Variants in MLLT1 observed in about 807,000 individuals in gnomAD.
MLLT1 encodes the protein MLLT1 super elongation complex subunit.
Under a neutral mutation model 55.1 loss-of-function variants are expected in MLLT1, and 11 were observed. The observed-to-expected ratio is 0.20, with a 90% CI of 0.13 to 0.33. The LOEUF (loss-of-function observed/expected upper bound fraction) is 0.33, where lower values mean the gene tolerates loss of function less well. Ranked by LOEUF, MLLT1 falls within the 10% of genes least tolerant of loss-of-function variation. The probability of loss-of-function intolerance (pLI) is 1.00; values close to 1 mark genes in which losing one functional copy is unlikely to be tolerated. For missense variants in MLLT1, 536 were observed against 760.6 expected (o/e 0.70, Z 3.47); for synonymous variants, 323 against 320.1 (o/e 1.01, Z -0.10).
At chr19:6,214,284 C>G (rs11673633) in intron 8 of MLLT1, among the ~76,000 whole-genome samples, 63,075 of 152,034 alleles carry the variant, frequency 0.41, 16,895 homozygotes, top group African/African-American at 0.77. Context: ...GCCAAGAGTG[C>G]TCCGGGATAC....
chr19:6,216,781 G>A (rs2090849115), intron 7 of MLLT1: 1 of 472,432 alleles, frequency 2.1e-6, no homozygotes, highest in Non-Finnish European at 3.8e-6. Context: ...CCGGCAGTGG[G>A]CGCGCAGGGC....
chr19:6,252,396 A>T (rs1277032944), intron 3 of MLLT1, among the ~76,000 whole-genome samples: 2 of 152,164 alleles, frequency 1.3e-5, no homozygotes, highest in Admixed American at 6.5e-5. Context: ...CTATTCCCCC[A>T]ATAAGTTCCC....
chr19:6,223,804 C>T (rs145122016), intron 5 of MLLT1, among the ~76,000 whole-genome samples: 2,168 of 152,300 alleles, frequency 0.014, 52 homozygotes, highest in African/African-American at 0.049. Flanking sequence ...TATCACCCCA[C>T]GCACCCAGGA....
chr19:6,245,996 T>C (rs960085880), intron 3 of MLLT1, among the ~76,000 whole-genome samples: 4 of 151,962 alleles, frequency 2.6e-5, no homozygotes, highest in Admixed American at 1.3e-4. Context: ...GAGAATCGCT[T>C]GAACTCAGGA....
chr19:6,267,910 G>A (rs1172767254), intron 2 of MLLT1, among the ~76,000 whole-genome samples: 1 of 152,194 alleles, frequency 6.6e-6, no homozygotes, highest in East Asian at 1.9e-4. Context: ...CTGACCAGGT[G>A]CAAGGGTCCA....
chr19:6,211,728 A>G lies in MLLT1; in HGVS notation c.*1314T>C, dbSNP rs551440516. 1.6e-4 allele frequency: 171 copies of G among 1,064,554 alleles called. No individual in the cohort carries two copies. The highest frequency in any genetic ancestry group is 1.8e-4 in the Non-Finnish European group (158 of 878,760). 65.9% of individuals were successfully genotyped at this position (1,064,554 alleles called of 1,614,324 possible). ...TCTGGGAAACAGAGGCTAACCAGGC[A>G]GGCCTCCAGCCCCTGGGACCCCCAG... On this transcript the variant is annotated 3_prime_UTR_variant, in exon 12 of 12. Coordinates refer to ENST00000252674, the MANE Select transcript of MLLT1 (RefSeq NM_005934.4). This position sits in a 1 kb window ranked among gnomAD's most constrained non-coding sequence, Gnocchi z 4.6.
chr19:6,244,676 C>G (rs4807069), intron 3 of MLLT1, among the ~76,000 whole-genome samples: 40,854 of 151,946 alleles, frequency 0.27, 5,915 homozygotes, highest in African/African-American at 0.34. Context: ...AACTCATATA[C>G]CAAGTACAGG....
At chr19:6,279,638 C>T (rs1401396066) in intron 1 of MLLT1, 135 bp downstream of exon 1, 1 of 151,730 alleles carries the variant, frequency 6.6e-6, no homozygotes, top group Non-Finnish European at 1.5e-5. Context: ...ACATAAAGGC[C>T]CGAGGAGCGG....
intron 1 of MLLT1, among the ~76,000 whole-genome samples, chr19:6,275,205 C>A (rs925169514): frequency 6.6e-6 from 1 of 152,250 alleles, no homozygotes; most frequent in Non-Finnish European, 1.5e-5. Context: ...CCTCTGGGAA[C>A]TTGGACTTCG....
At chr19:6,258,096 CA>C (rs751045763) in intron 3 of MLLT1, among the ~76,000 whole-genome samples, 8 of 152,214 alleles carry the variant, frequency 5.3e-5, no homozygotes, top group Non-Finnish European at 1.2e-4. Flanking sequence ...GAAAGCTAAA[CA>C]GAAAATTATT....
At chr19:6,278,172 G>A (rs1249155112) in intron 1 of MLLT1, among the ~76,000 whole-genome samples, 3 of 152,194 alleles carry the variant, frequency 2.0e-5, no homozygotes, top group Non-Finnish European at 4.4e-5. Context: ...GGAGATTTTG[G>A]CTGCCACCCC....
chr19:6,278,183 C>A (rs1385074429), intron 1 of MLLT1, among the ~76,000 whole-genome samples: 1 of 152,232 alleles, frequency 6.6e-6, no homozygotes, highest in Non-Finnish European at 1.5e-5. Flanking sequence ...CTGCCACCCC[C>A]ACAGCCCCAC....
intron 3 of MLLT1, among the ~76,000 whole-genome samples, chr19:6,252,543 C>G (rs1398342817): frequency 6.6e-6 from 1 of 152,152 alleles, no homozygotes; most frequent in Non-Finnish European, 1.5e-5. Context: ...ATAATGAAAA[C>G]AAAACACAAT....
At chr19:6,251,359 C>A (rs2060567604) in intron 3 of MLLT1, among the ~76,000 whole-genome samples, 1 of 152,090 alleles carries the variant, frequency 6.6e-6, no homozygotes, top group Admixed American at 6.5e-5. Context: ...ACGGCTAGCC[C>A]CCTCTGGAAT....
intron 8 of MLLT1, among the ~76,000 whole-genome samples, chr19:6,216,115 T>G (rs1385927549): frequency 2.0e-5 from 3 of 152,104 alleles, no homozygotes; most frequent in African/African-American, 7.2e-5. Flanking sequence ...CACCCCTCCC[T>G]GCCAGATAGC....
rs931953182 is a variant in MLLT1, at chr19:6,219,396, G to A, written c.1111-1355C>T. ...GAGTCCCGGACACATACCCCAGAGC[G>A]TCCAGGACCCCTGGCTGGGCCTGCC... On this transcript the variant is annotated intron_variant, in intron 6 of 11. Coordinates refer to ENST00000252674, the MANE Select transcript of MLLT1 (RefSeq NM_005934.4). This position sits in a 1 kb window ranked among gnomAD's most constrained non-coding sequence, Gnocchi z 4.5. Among the ~76,000 whole-genome samples, 11 of 152,280 alleles carry A rather than the reference G, an allele frequency of 7.2e-5. No homozygotes were observed. The highest frequency in any genetic ancestry group is 2.1e-4 in the South Asian group (1 of 4,820).
rs549319306 is a variant in MLLT1, at chr19:6,216,523, C to T, written c.1199-10G>A. On this transcript the variant is annotated splice_polypyrimidine_tract_variant and intron_variant, in intron 7 of 11. Transcript: ENST00000252674. ...ATGGAGCGCAGGGGTCCTGGGGAGG[C>T]GGGGCAGGGAGGGAGGGGAGACAAG... 1.1e-4 allele frequency: 106 copies of T among 966,198 alleles called. 1 individual carries two copies. Among genetic ancestry groups the T allele is most frequent in the Non-Finnish European group, 1.5e-4 (96 of 634,222 alleles). 59.9% of individuals were successfully genotyped at this position (966,198 alleles called of 1,614,324 possible).
At chr19:6,244,048 A>G (rs2091142804) in intron 3 of MLLT1, among the ~76,000 whole-genome samples, 1 of 150,614 alleles carries the variant, frequency 6.6e-6, no homozygotes, top group African/African-American at 2.4e-5. Flanking sequence ...CACCTCAAAA[A>G]AAAAAAAAAA....
rs776746658 is a variant in MLLT1, at chr19:6,222,681, C to T, written c.550G>A (p.Ala184Thr). ...KTKPSHGSKDANKESSKTSKP... is the reference protein window; with the variant it reads ...KTKPSHGSKDTNKESSKTSKP... ...GAGGTCTTGCTGCTCTCCTTGTTGG[C>T]GTCCTGCAAGGCCAAGAGCAGGGAG... The change falls in exon 6 of 12, where the codon GCC (alanine) becomes ACC (threonine). Residue 184 changes from alanine (A) to threonine (T), a missense_variant. Around this residue, in one of 3 missense-constraint regions of MLLT1, gnomAD observed 449 missense variants for 489.0 expected, o/e 0.92. Coordinates refer to ENST00000252674, the MANE Select transcript of MLLT1 (RefSeq NM_005934.4). This position sits in a 1 kb window ranked among gnomAD's most constrained non-coding sequence, Gnocchi z 4.1. The T allele has an allele frequency of 2.2e-5, 33 of 1,529,308 alleles. No individual in the cohort carries two copies. The highest frequency in any genetic ancestry group is 9.3e-5 in the East Asian group (4 of 43,176). The allele number at this position is 1,529,308 out of a possible 1,614,324, so 94.7% of individuals were successfully genotyped here. A position where few individuals can be genotyped will look rare whatever the true frequency, so the allele number is the denominator to read the frequency against.
Sources: allele counts gnomAD v4.1 joint callset (sites outside exome capture counted in the v4.1 genomes callset), GRCh38; gene constraint gnomAD v4.1.1; regional missense constraint gnomAD v4.1.1; non-coding constraint Gnocchi (gnomAD v3.1); transcripts MANE v1.5; gene names NCBI Gene and HGNC (gene_info 2026-07-23, HGNC 2026-07-21).